Variants in TRPC3 observed in about 807,000 individuals in gnomAD.
The protein encoded by TRPC3 is transient receptor potential cation channel subfamily C member 3, also known as short transient receptor potential channel 3.
In TRPC3, 54 loss-of-function variants were observed where a neutral mutation model predicts 90.9. That is an observed-to-expected ratio of 0.59 (90% CI 0.48 to 0.75). The LOEUF (loss-of-function observed/expected upper bound fraction) is 0.75. Ranked by LOEUF, TRPC3 falls within the 30% of genes least tolerant of loss-of-function variation. TRPC3 has a pLI of 0.00. For missense variants in TRPC3, 918 were observed against 1,194.5 expected (o/e 0.77, Z 3.41); for synonymous variants, 424 against 450.9 (o/e 0.94, Z 0.75).
chr4:121,951,390 G>C lies in TRPC3; in HGVS notation c.215+76C>G. ...GAGGTCCCGGGCTCGACGTGGAGCC[G>C]CCCGGCGCGCGCCTTCCCGCCCCCC... is the stretch of plus-strand genomic sequence containing the variant. On this transcript the variant is annotated intron_variant, in intron 1 of 11. Coordinates refer to ENST00000379645, the MANE Select transcript of TRPC3 (RefSeq NM_001130698.2). This position sits in a 1 kb window ranked among gnomAD's most constrained non-coding sequence, Gnocchi z 4.4. The C allele has an allele frequency of 9.8e-7, 1 of 1,019,464 alleles. No homozygotes were observed. Among genetic ancestry groups the C allele is most frequent in the Non-Finnish European group, 1.2e-6 (1 of 824,856 alleles). The allele number at this position is 1,019,464 out of a possible 1,614,324, so 63.2% of individuals were successfully genotyped here. A position where few individuals can be genotyped will look rare whatever the true frequency, so the allele number is the denominator to read the frequency against.
Position 121,877,210 on chromosome 4 carries a change from T to G in TRPC3, c.*2526A>C, listed in dbSNP as rs1303484495. 6.6e-6 allele frequency among the ~76,000 whole-genome samples: 1 copy of G among 152,206 alleles called. No individual in the cohort carries two copies. The highest frequency in any genetic ancestry group is 1.5e-5 in the Non-Finnish European group (1 of 68,034). On this transcript the variant is annotated 3_prime_UTR_variant, in exon 12 of 12. Transcript: ENST00000379645. ...CACATTAATACCTTATGGCTTAGTG[T>G]GAGTTCCCTAAAAGCAAAACCTAAT...
chr4:121,899,554 C>G, intron 10 of TRPC3, 58 bp downstream of exon 10: 1 of 1,407,036 alleles, frequency 7.1e-7, no homozygotes, highest in South Asian at 1.2e-5. Flanking sequence ...CACAAACACA[C>G]ACGCAGACAT....
At chr4:121,884,745 A>C (rs1000939932) in intron 10 of TRPC3, among the ~76,000 whole-genome samples, 9 of 152,200 alleles carry the variant, frequency 5.9e-5, no homozygotes, top group Admixed American at 5.9e-4. Context: ...ATTTTGTAGA[A>C]TCTAGATCCC....
chr4:121,908,067 T>G (rs1341690339), intron 6 of TRPC3, among the ~76,000 whole-genome samples: 1 of 152,174 alleles, frequency 6.6e-6, no homozygotes, highest in Non-Finnish European at 1.5e-5. Context: ...ACAATGGTGC[T>G]GACGATGTGT....
At chr4:121,930,830 TA>T (rs71599162) in intron 2 of TRPC3, 24,122 of 201,664 alleles carry the variant, frequency 0.12, 171 homozygotes, top group East Asian at 0.24. Context: ...CTCTGAGATC[TA>T]AAAAAAAAAA....
rs1404401558 is a variant in TRPC3 at position 121,878,735 on chromosome 4, G to GC, written c.*1000dup. 1.3e-5 allele frequency among the ~76,000 whole-genome samples: 2 copies of GC among 152,132 alleles called. No individual in the cohort carries two copies. The highest frequency in any genetic ancestry group is 2.9e-5 in the Non-Finnish European group (2 of 68,022). ...ATTGTAAGCAACGATGGCAATAAATGCCCCAAAAGGAACTGAAACACACCT... is the reference window on the plus strand; with the variant it reads ...ATTGTAAGCAACGATGGCAATAAATGCCCCCAAAAGGAACTGAAACACACCT... On this transcript the variant is annotated 3_prime_UTR_variant, in exon 12 of 12. Coordinates refer to ENST00000379645, the MANE Select transcript of TRPC3 (RefSeq NM_001130698.2).
intron 3 of TRPC3, among the ~76,000 whole-genome samples, chr4:121,924,613 C>T (rs1729636705): frequency 6.6e-6 from 1 of 152,312 alleles, no homozygotes; most frequent in African/African-American, 2.4e-5. Flanking sequence ...TATCATTGCT[C>T]ACTGCAGCTT....
At chr4:121,899,776 T>C (rs1728642009) in intron 9 of TRPC3, 81 bp from the exon 10 acceptor site, 1 of 1,118,444 alleles carries the variant, frequency 8.9e-7, no homozygotes, top group Admixed American at 1.9e-5. Context: ...TTCTCCTTGA[T>C]AACATTTCTG....
At chr4:121,942,778 G>A (rs1327296852) in intron 1 of TRPC3, among the ~76,000 whole-genome samples, 2 of 152,148 alleles carry the variant, frequency 1.3e-5, no homozygotes, top group Non-Finnish European at 2.9e-5. Flanking sequence ...AACCAGAAAA[G>A]CAAACAGCTA....
At chr4:121,937,325 T>A (rs1730164531) in intron 1 of TRPC3, among the ~76,000 whole-genome samples, 1 of 152,256 alleles carries the variant, frequency 6.6e-6, no homozygotes. Context: ...GACCCCTGGC[T>A]ATGAGGCCTT....
At chr4:121,911,846 G>A (rs1729112326) in intron 5 of TRPC3, 31 bp downstream of exon 5, 1 of 1,553,440 alleles carries the variant, frequency 6.4e-7, no homozygotes. Context: ...CCTTTTGGTA[G>A]AAATTAGGAT....
intron 10 of TRPC3, among the ~76,000 whole-genome samples, chr4:121,888,839 A>C (rs1284307704): frequency 6.6e-6 from 1 of 152,186 alleles, no homozygotes; most frequent in Non-Finnish European, 1.5e-5. Context: ...TCATGTGTTC[A>C]AATCCTACCC....
chr4:121,906,013 C>G (rs565528846), intron 7 of TRPC3, among the ~76,000 whole-genome samples: 2 of 152,122 alleles, frequency 1.3e-5, no homozygotes, highest in South Asian at 4.1e-4. Flanking sequence ...AGCTTCTCCT[C>G]GAATCTATAT....
intron 10 of TRPC3, among the ~76,000 whole-genome samples, chr4:121,883,518 C>T (rs1054392338): frequency 2.0e-5 from 3 of 152,018 alleles, no homozygotes; most frequent in Non-Finnish European, 4.4e-5. Flanking sequence ...GAAGGGTCAA[C>T]AAGCTTAAGA....
intron 7 of TRPC3, among the ~76,000 whole-genome samples, chr4:121,906,941 T>G (rs1021514849): frequency 6.6e-6 from 1 of 152,098 alleles, no homozygotes; most frequent in Non-Finnish European, 1.5e-5. Flanking sequence ...TATATTAAAA[T>G]AAAAGCTGAT....
intron 7 of TRPC3, among the ~76,000 whole-genome samples, chr4:121,905,687 A>T (rs1018260063): frequency 1.3e-5 from 2 of 152,190 alleles, no homozygotes; most frequent in Non-Finnish European, 2.9e-5. Flanking sequence ...CTTATAACAC[A>T]TCCTAAATAA....
intron 8 of TRPC3, 33 bp from the exon 9 acceptor site, chr4:121,903,094 T>C (rs753296728): frequency 1.9e-6 from 3 of 1,559,786 alleles, no homozygotes; most frequent in East Asian, 2.3e-5. Context: ...AAAACTAATT[T>C]TAAATGCTAA....
At chr4:121,947,380 T>A (rs1290246067) in intron 1 of TRPC3, among the ~76,000 whole-genome samples, 1 of 151,610 alleles carries the variant, frequency 6.6e-6, no homozygotes, top group African/African-American at 2.4e-5. Context: ...CCCTCCAGGG[T>A]TGGGAGGGAG....
intron 10 of TRPC3, among the ~76,000 whole-genome samples, chr4:121,894,562 T>TTTG (rs1553937544): frequency 4.5e-5 from 6 of 132,528 alleles, no homozygotes; most frequent in Non-Finnish European, 6.5e-5. Context: ...TCTGTTTTTT[T>TTTG]TTTTTTTTTT....
Sources: gnomAD v4.1 joint callset for allele counts (sites outside exome capture counted in the v4.1 genomes callset) on GRCh38, gnomAD v4.1.1 for gene constraint, Gnocchi (gnomAD v3.1) non-coding constraint, MANE v1.5 for transcripts, NCBI Gene and HGNC (gene_info 2026-07-23, HGNC 2026-07-21) for gene names.